INPP5D: variants seen among roughly 807,000 people sequenced by gnomAD.
INPP5D encodes the protein phosphatidylinositol 3,4,5-trisphosphate 5-phosphatase 1.
INPP5D carries 33 observed loss-of-function variants against 122.9 expected under a neutral mutation model. That is an observed-to-expected ratio of 0.27 (90% CI 0.20 to 0.36). The LOEUF (loss-of-function observed/expected upper bound fraction) is 0.36, where lower values mean the gene tolerates loss of function less well. Among genes scored for constraint, INPP5D ranks in the 10% least tolerant of loss-of-function variants. The probability of loss-of-function intolerance (pLI) is 1.00; values close to 1 mark genes in which losing one functional copy is unlikely to be tolerated. For synonymous variants in INPP5D, 584 were observed against 576.2 expected, an observed-to-expected ratio of 1.01 and a Z score of -0.19; for missense variants, 1,053 against 1,412.7, an observed-to-expected ratio of 0.75 and a Z score of 4.08.
At position 233,206,792 on chromosome 2, in the gene INPP5D, C is replaced by T; in HGVS notation, c.*84C>T. The T allele has an allele frequency of 4.1e-6, 3 of 723,342 alleles. No homozygotes were observed. The highest frequency in any genetic ancestry group is 7.7e-6 in the Non-Finnish European group (3 of 387,828). 44.8% of individuals were successfully genotyped at this position (723,342 alleles called of 1,614,324 possible). On this transcript the variant is annotated 3_prime_UTR_variant, in exon 27 of 27. Transcript: ENST00000445964. This position sits in a 1 kb window ranked among gnomAD's most constrained non-coding sequence, Gnocchi z 4.0. ...ACCCTCTCCCGGGACCTCCTGCTGG[C>T]TCCTCCTGCCCAGCTTCCTATGCAA...
rs780734417 is a variant in INPP5D, at chr2:233,198,305, G to A, written c.2904G>A (p.Pro968=). The A allele has an allele frequency of 2.2e-5, 35 of 1,613,582 alleles. 1 individual carries two copies. In the South Asian group the frequency reaches 2.4e-4, roughly 11 times the overall value. The change falls in exon 25 of 27, where the codon CCG becomes CCA. Residue 968 remains proline, a synonymous_variant. Transcript: ENST00000445964. ...GTCCTCCGACACCTCCCGGCCAGCC[G>A]CCCATATCACCCAAGAAGTTTTTAC... ...GESPPTPPGQ[P]PISPKKFLPS...
chr2:233,167,345 T>A (rs982773016), intron 13 of INPP5D, among the ~76,000 whole-genome samples: 8 of 152,050 alleles, frequency 5.3e-5, no homozygotes, highest in Non-Finnish European at 1.2e-4. Flanking sequence ...CACTCCAGCC[T>A]GGGCGACACA....
intron 4 of INPP5D, among the ~76,000 whole-genome samples, chr2:233,127,483 C>T (rs187605162): frequency 6.6e-6 from 1 of 152,242 alleles, no homozygotes; most frequent in Non-Finnish European, 1.5e-5. Flanking sequence ...ACAACTTGCA[C>T]AGTCTTTCCT....
At chr2:233,113,612 C>T (rs1253921706) in intron 2 of INPP5D, among the ~76,000 whole-genome samples, 4 of 152,152 alleles carry the variant, frequency 2.6e-5, no homozygotes, top group African/African-American at 7.2e-5. Context: ...ACACTGCCCA[C>T]CTTTCCTATC....
At chr2:233,081,792 G>A (rs1691697833) in intron 2 of INPP5D, among the ~76,000 whole-genome samples, 1 of 152,094 alleles carries the variant, frequency 6.6e-6, no homozygotes, top group Admixed American at 6.5e-5. Flanking sequence ...CTTCTCCCAT[G>A]GATCAGCTCT....
In INPP5D at chr2:233,163,919, C is replaced by T; in HGVS notation, c.1437+16C>T. The stretch of plus-strand genomic sequence containing the variant: ...TTTTAAAACAGTGAGCAGCTGGCTG[C>T]ACGCTGGGTGGGCTTCCGGGATAGA... On this transcript the variant is annotated intron_variant, in intron 12 of 26. Coordinates refer to ENST00000445964, the MANE Select transcript of INPP5D (RefSeq NM_001017915.3). 6.2e-7 allele frequency: 1 copy of T among 1,611,820 alleles called. No homozygotes were observed. Among genetic ancestry groups the T allele is most frequent in the Non-Finnish European group, 8.5e-7 (1 of 1,178,320 alleles).
intron 2 of INPP5D, among the ~76,000 whole-genome samples, chr2:233,121,676 C>T (rs964724331): frequency 2.0e-5 from 3 of 151,178 alleles, no homozygotes; most frequent in African/African-American, 2.4e-5. Flanking sequence ...CCACCACGCC[C>T]GGCTAATTTT....
chr2:233,121,121 C>CTTTTTTTTTTTTTTTTT (rs369587747), intron 2 of INPP5D, among the ~76,000 whole-genome samples: 1 of 117,652 alleles, frequency 8.5e-6, no homozygotes, highest in Non-Finnish European at 1.8e-5. Context: ...TTCTTTCTTT[C>CTTTTTTTTTTTTTTTTT]TTTTTTTTTT....
At chr2:233,192,582 C>T (rs559654214) in intron 22 of INPP5D, among the ~76,000 whole-genome samples, 30 of 152,278 alleles carry the variant, frequency 2.0e-4, no homozygotes, top group African/African-American at 7.0e-4. Context: ...TTGATGGCTG[C>T]ATTATATTCC....
chr2:233,135,668 C>T (rs1188619005), intron 5 of INPP5D, among the ~76,000 whole-genome samples: 1 of 150,714 alleles, frequency 6.6e-6, no homozygotes, highest in Non-Finnish European at 1.5e-5. Context: ...AACTCCTTGA[C>T]AGTATAATAA....
chr2:233,119,521 G>A (rs1692903988), intron 2 of INPP5D, among the ~76,000 whole-genome samples: 2 of 152,076 alleles, frequency 1.3e-5, no homozygotes, highest in Admixed American at 6.6e-5. Context: ...TGCTTAACAC[G>A]GGGCTTTGTG....
At chr2:233,202,999 G>A (rs1695379390) in intron 25 of INPP5D, among the ~76,000 whole-genome samples, 1 of 152,224 alleles carries the variant, frequency 6.6e-6, no homozygotes, top group East Asian at 1.9e-4. Flanking sequence ...TGAGTTAGGA[G>A]AGGCTTCCAG....
At position 233,206,237 on chromosome 2, in the gene INPP5D, A is replaced by T. The variant is rs1198163227; in HGVS notation, c.3568-469A>T. On this transcript the variant is annotated intron_variant, in intron 26 of 26. Transcript: ENST00000445964. The surrounding 1 kb of genome is among the most constrained non-coding windows in gnomAD (Gnocchi z 4.0). ...AGAATTGCATTGTAGGCTATTATGT[A>T]TTATTACCATGTATTATCATCTATA... Among the ~76,000 whole-genome samples the T allele has an allele frequency of 6.6e-6, 1 of 152,092 alleles. No individual in the cohort carries two copies. The highest frequency in any genetic ancestry group is 1.5e-5 in the Non-Finnish European group (1 of 68,032).
chr2:233,192,048 G>C lies in INPP5D; in HGVS notation c.2447-1764G>C, dbSNP rs187099148. ...GAGGTAACTACGTGATCTTGGGCCT[G>C]AGCCCAGGCAGCTCTTCCCCGTTCC... On this transcript the variant is annotated intron_variant, in intron 22 of 26. Transcript: ENST00000445964. Among the ~76,000 whole-genome samples the C allele has an allele frequency of 5.0e-3, 754 of 152,270 alleles. 7 individuals are homozygous for C. The highest frequency in any genetic ancestry group is 5.8e-3 in the Non-Finnish European group (395 of 68,030).
In INPP5D at chr2:233,188,096, G is replaced by A. The variant is rs371048523; in HGVS notation, c.2359-1754G>A. ...TGCCTCTTGCTGAGGCATCCTGAACGCTGATGGATCTTTCTGGAATGCCTC... is the reference window on the plus strand; with the variant it reads ...TGCCTCTTGCTGAGGCATCCTGAACACTGATGGATCTTTCTGGAATGCCTC... On this transcript the variant is annotated intron_variant, in intron 21 of 26. Coordinates refer to ENST00000445964, the MANE Select transcript of INPP5D (RefSeq NM_001017915.3). The surrounding 1 kb of genome is among the most constrained non-coding windows in gnomAD (Gnocchi z 4.7). Among the ~76,000 whole-genome samples, 47 of 152,080 alleles carry A rather than the reference G, an allele frequency of 3.1e-4. No homozygotes were observed. In the South Asian group the frequency reaches 9.3e-3, roughly 30 times the overall value.
intron 17 of INPP5D, among the ~76,000 whole-genome samples, chr2:233,176,084 T>C (rs1460636257): frequency 6.6e-6 from 1 of 152,216 alleles, no homozygotes; most frequent in Non-Finnish European, 1.5e-5. Flanking sequence ...AGTTCCTTTA[T>C]GTTTGTAGAC....
rs1239152317 is a variant in INPP5D at position 233,182,443 on chromosome 2, G to A, written c.2105G>A (p.Ser702Asn). 6.2e-7 allele frequency: 1 copy of A among 1,613,662 alleles called. No individual in the cohort carries two copies. Among genetic ancestry groups the A allele is most frequent in the African/African-American group, 1.3e-5 (1 of 74,932 alleles). Residue 702 changes from serine to asparagine, a missense_variant, in exon 19 of 27, where the codon AGC (serine) becomes AAC (asparagine). Around this residue, in one of 6 missense-constraint regions of INPP5D, gnomAD observed 258 missense variants for 439.1 expected, o/e 0.59. Coordinates refer to ENST00000445964, the MANE Select transcript of INPP5D (RefSeq NM_001017915.3). ...STSDIMTSDHSPVFATFEAGV... is the reference protein window; with the variant it reads ...STSDIMTSDHNPVFATFEAGV... ...AGCGACATCATGACGAGTGACCACAGCCCTGTCTTTGCCACATTTGAGGCA... is the reference window on the plus strand; with the variant it reads ...AGCGACATCATGACGAGTGACCACAACCCTGTCTTTGCCACATTTGAGGCA...
In INPP5D at chr2:233,170,238, G is replaced by T; in HGVS notation, c.1791+74G>T. On this transcript the variant is annotated intron_variant, in intron 15 of 26. Coordinates refer to ENST00000445964, the MANE Select transcript of INPP5D (RefSeq NM_001017915.3). This position sits in a 1 kb window ranked among gnomAD's most constrained non-coding sequence, Gnocchi z 4.5. ...GCTCCCTTGAGTCAGCTTGGGGCAGGTGGTCGTGGAGACATGTGAATCAAG... is the reference window on the plus strand; with the variant it reads ...GCTCCCTTGAGTCAGCTTGGGGCAGTTGGTCGTGGAGACATGTGAATCAAG... The T allele has an allele frequency of 6.4e-7, 1 of 1,563,758 alleles. No individual in the cohort carries two copies. The highest frequency in any genetic ancestry group is 8.7e-7 in the Non-Finnish European group (1 of 1,153,306).
rs867513165 is a variant in INPP5D at position 233,204,819 on chromosome 2, C to T, written c.3567+102C>T. The stretch of plus-strand genomic sequence containing the variant: ...ATATGTGTGTGCATGTGTGTGTGCA[C>T]GCATGCATATGTGCGTGCATGTGTG... On this transcript the variant is annotated intron_variant, in intron 26 of 26. Coordinates refer to ENST00000445964, the MANE Select transcript of INPP5D (RefSeq NM_001017915.3). 3.3e-5 allele frequency: 47 copies of T among 1,416,766 alleles called. 1 individual carries two copies. In the Middle Eastern group the frequency reaches 1.0e-3, roughly 31 times the overall value. 87.8% of individuals were successfully genotyped at this position (1,416,766 alleles called of 1,614,324 possible).
Sources: allele counts gnomAD v4.1 joint callset (sites outside exome capture counted in the v4.1 genomes callset), GRCh38; gene constraint gnomAD v4.1.1; regional missense constraint gnomAD v4.1.1; non-coding constraint Gnocchi (gnomAD v3.1); transcripts MANE v1.5; gene names NCBI Gene and HGNC (gene_info 2026-07-23, HGNC 2026-07-21).